RBFOX1: variants seen among roughly 807,000 people sequenced by gnomAD.
RBFOX1 encodes the protein RNA binding protein fox-1 homolog 1.
Under a neutral mutation model 57.7 loss-of-function variants are expected in RBFOX1, and 8 were observed. The ratio of observed to expected loss-of-function variants is 0.14; its 90% CI spans 0.08 to 0.25. The LOEUF is 0.25. Among genes scored for constraint, RBFOX1 ranks in the 10% least tolerant of loss-of-function variants. The pLI is 1.00. For missense variants in RBFOX1, 611 were observed against 548.5 expected (o/e 1.11, Z -1.14); for synonymous variants, 326 against 222.4 (o/e 1.47, Z -4.15).
intron 2 of RBFOX1, among the ~76,000 whole-genome samples, chr16:6,437,517 C>T (rs1268519400): frequency 6.6e-6 from 1 of 152,190 alleles, no homozygotes; most frequent in Non-Finnish European, 1.5e-5. Flanking sequence ...CTCCAGGAGT[C>T]ATCATTTCCC....
At chr16:5,254,921 T>C (rs574893044) in intron 1 of RBFOX1, among the ~76,000 whole-genome samples, 1 of 152,226 alleles carries the variant, frequency 6.6e-6, no homozygotes, top group Admixed American at 6.5e-5. Context: ...TTTGATAAGA[T>C]CTCTGTCCCC....
chr16:6,849,059 A>G (rs117271907), intron 3 of RBFOX1, among the ~76,000 whole-genome samples: 25 of 152,300 alleles, frequency 1.6e-4, no homozygotes, highest in Non-Finnish European at 2.9e-4. Context: ...CAGATTTAGG[A>G]AAAAGTAAAC....
At chr16:6,805,496 C>A (rs942229296) in intron 3 of RBFOX1, among the ~76,000 whole-genome samples, 17 of 152,142 alleles carry the variant, frequency 1.1e-4, no homozygotes, top group African/African-American at 3.9e-4. Flanking sequence ...CATGAGTTTA[C>A]CTATGTAATG....
At chr16:6,560,524 A>C (rs1283054697) in intron 2 of RBFOX1, among the ~76,000 whole-genome samples, 1 of 152,114 alleles carries the variant, frequency 6.6e-6, no homozygotes, top group East Asian at 1.9e-4. Context: ...GAGACAATAG[A>C]AGGGCCAGAG....
At chr16:6,955,353 C>CAG (rs2081570253) in intron 3 of RBFOX1, among the ~76,000 whole-genome samples, 1 of 108,994 alleles carries the variant, frequency 9.2e-6, no homozygotes, top group Non-Finnish European at 2.3e-5. Context: ...CATATGCACA[C>CAG]ACACACACAC....
chr16:7,426,927 T>A (rs1450912361), intron 4 of RBFOX1, among the ~76,000 whole-genome samples: 1 of 152,160 alleles, frequency 6.6e-6, no homozygotes, highest in East Asian at 1.9e-4. Context: ...TGGAATACTA[T>A]GCAGCCATAA....
chr16:6,861,196 A>G (rs924445359), intron 3 of RBFOX1, among the ~76,000 whole-genome samples: 1 of 152,164 alleles, frequency 6.6e-6, no homozygotes, highest in East Asian at 1.9e-4. Context: ...GTGCATCTGA[A>G]CAGCTACAGT....
At chr16:5,827,249 A>AG (rs2056091893) in intron 3 of RBFOX1, among the ~76,000 whole-genome samples, 1 of 151,844 alleles carries the variant, frequency 6.6e-6, no homozygotes, top group Admixed American at 6.6e-5. Context: ...AAATTACAAA[A>AG]ATTAGCCGGG....
intron 4 of RBFOX1, among the ~76,000 whole-genome samples, chr16:7,318,658 TCAGTGCAGA>T (rs2096488770): frequency 1.3e-5 from 2 of 152,216 alleles, no homozygotes; most frequent in African/African-American, 4.8e-5. Flanking sequence ...AAATAAAGTG[TCAGTGCAGA>T]ATACAGCTTT....
chr16:6,424,353 T>G (rs6500784), intron 2 of RBFOX1, among the ~76,000 whole-genome samples: 1,610 of 152,138 alleles, frequency 0.011, 10 homozygotes, highest in Admixed American at 0.016. Flanking sequence ...AAAGATAAAT[T>G]GAGATTATGT....
At chr16:7,476,619 C>G (rs2062773070) in intron 4 of RBFOX1, among the ~76,000 whole-genome samples, 1 of 152,124 alleles carries the variant, frequency 6.6e-6, no homozygotes, top group African/African-American at 2.4e-5. Context: ...TTCGGCATCT[C>G]CAAGGGATAA....
At chr16:6,284,293 T>C (rs1360342999) in intron 1 of RBFOX1, among the ~76,000 whole-genome samples, 2 of 152,200 alleles carry the variant, frequency 1.3e-5, no homozygotes, top group Non-Finnish European at 2.9e-5. Context: ...AGGACAGCTC[T>C]GGGGTAGTTC....
chr16:5,304,137 A>T (rs2063873282), intron 1 of RBFOX1, among the ~76,000 whole-genome samples: 1 of 152,272 alleles, frequency 6.6e-6, no homozygotes, highest in Non-Finnish European at 1.5e-5. Flanking sequence ...TTATTCATAT[A>T]TCAGCCCTTA....
Position 6,484,993 on chromosome 16 carries a change from G to C in RBFOX1, c.-64+167936G>C, listed in dbSNP as rs568717726. On this transcript the variant is annotated intron_variant, in intron 2 of 15. Coordinates refer to ENST00000550418, the MANE Select transcript of RBFOX1 (RefSeq NM_018723.4). ...AAATGGGGACATCTTTCTCCACTGT[G>C]TTCCCTATTTTTTGATTTAAATGTG... is the stretch of plus-strand genomic sequence containing the variant. Among the ~76,000 whole-genome samples the C allele has an allele frequency of 4.9e-4, 74 of 152,308 alleles. 1 individual carries two copies. Among genetic ancestry groups the C allele is most frequent in the Admixed American group, 4.8e-3 (74 of 15,304 alleles).
At chr16:5,938,308 C>A (rs575314334) in intron 4 of RBFOX1, among the ~76,000 whole-genome samples, 2 of 152,146 alleles carry the variant, frequency 1.3e-5, no homozygotes, top group African/African-American at 4.8e-5. Flanking sequence ...TGTCTGGAGC[C>A]AGTTCTCCTC....
chr16:7,697,025 T>G (rs11646371), intron 14 of RBFOX1, among the ~76,000 whole-genome samples: 1 of 152,074 alleles, frequency 6.6e-6, no homozygotes, highest in South Asian at 2.1e-4. Flanking sequence ...ACTTGGAGGC[T>G]GCAGAACATA....
At chr16:6,270,627 C>T (rs1439959954) in intron 1 of RBFOX1, among the ~76,000 whole-genome samples, 1 of 151,988 alleles carries the variant, frequency 6.6e-6, no homozygotes, top group African/African-American at 2.4e-5. Flanking sequence ...AAGAATATCA[C>T]AATTATAGTC....
chr16:7,218,185 A>T (rs559348701), intron 4 of RBFOX1, among the ~76,000 whole-genome samples: 1 of 152,266 alleles, frequency 6.6e-6, no homozygotes, highest in South Asian at 2.1e-4. Flanking sequence ...TTGCCTGAGT[A>T]GGTGGGGAGT....
At chr16:7,337,398 A>G (rs142929454) in intron 4 of RBFOX1, among the ~76,000 whole-genome samples, 2 of 152,322 alleles carry the variant, frequency 1.3e-5, no homozygotes, top group Non-Finnish European at 2.9e-5. Flanking sequence ...ACAAAAAATA[A>G]TAATACGACT....
Sources: gnomAD v4.1 joint callset for allele counts (sites outside exome capture counted in the v4.1 genomes callset) on GRCh38, gnomAD v4.1.1 for gene constraint, MANE v1.5 for transcripts, NCBI Gene and HGNC (gene_info 2026-07-23, HGNC 2026-07-21) for gene names.